HPSE2: variants seen among roughly 807,000 people sequenced by gnomAD.
The protein encoded by HPSE2 is inactive heparanase-2.
Under a neutral mutation model 60.5 loss-of-function variants are expected in HPSE2, and 38 were observed. The ratio of observed to expected loss-of-function variants is 0.63; its 90% CI spans 0.48 to 0.82. The LOEUF (loss-of-function observed/expected upper bound fraction) is 0.82, where lower values mean the gene tolerates loss of function less well. HPSE2 is among the 40% of genes least tolerant of loss of function. The pLI, the probability that HPSE2 is intolerant of heterozygous loss-of-function variation, is 0.00. For synonymous variants in HPSE2, 295 were observed against 293.2 expected (o/e 1.01, Z -0.06); for missense variants, 713 against 740.4 (o/e 0.96, Z 0.43).
intron 3 of HPSE2, among the ~76,000 whole-genome samples, chr10:98,943,358 G>T (rs1042147854): frequency 6.6e-6 from 1 of 151,882 alleles, no homozygotes; most frequent in African/African-American, 2.4e-5. Context: ...ATATTATTTT[G>T]ATTTTTAGAG....
At chr10:98,733,035 G>T (rs759114981) in intron 4 of HPSE2, among the ~76,000 whole-genome samples, 3 of 152,152 alleles carry the variant, frequency 2.0e-5, no homozygotes, top group Non-Finnish European at 4.4e-5. Context: ...AGTCACTAGG[G>T]AAGAGCAACT....
chr10:98,564,902 T>A (rs1028700460), intron 9 of HPSE2, among the ~76,000 whole-genome samples: 1 of 152,078 alleles, frequency 6.6e-6, no homozygotes, highest in Non-Finnish European at 1.5e-5. Context: ...CAATTTATCA[T>A]CCAAACCAGG....
At chr10:98,603,615 T>A (rs939072872) in intron 9 of HPSE2, among the ~76,000 whole-genome samples, 3 of 151,842 alleles carry the variant, frequency 2.0e-5, no homozygotes, top group Non-Finnish European at 4.4e-5. Flanking sequence ...ATTTTAGTAG[T>A]AACGGGGTTT....
intron 3 of HPSE2, among the ~76,000 whole-genome samples, chr10:99,003,833 C>A (rs141019764): frequency 2.6e-5 from 4 of 152,040 alleles, no homozygotes; most frequent in Admixed American, 2.6e-4. Flanking sequence ...TTGATATAAT[C>A]CCATTTGTCT....
intron 3 of HPSE2, among the ~76,000 whole-genome samples, chr10:99,114,830 C>T (rs1357497135): frequency 6.8e-6 from 1 of 146,450 alleles, no homozygotes. Context: ...AGGAGAATGG[C>T]GTGAACCCGG....
chr10:98,702,644 C>T (rs1387108137), intron 5 of HPSE2, among the ~76,000 whole-genome samples: 1 of 152,196 alleles, frequency 6.6e-6, no homozygotes, highest in African/African-American at 2.4e-5. Flanking sequence ...TCAGAAATCA[C>T]ACAACCACTT....
At chr10:98,850,498 A>G (rs1449681807) in intron 3 of HPSE2, among the ~76,000 whole-genome samples, 1 of 152,114 alleles carries the variant, frequency 6.6e-6, no homozygotes, top group Non-Finnish European at 1.5e-5. Flanking sequence ...GCACTTTGGG[A>G]GGCCGAAGCG....
At chr10:99,111,922 A>G (rs1844478165) in intron 3 of HPSE2, among the ~76,000 whole-genome samples, 1 of 152,204 alleles carries the variant, frequency 6.6e-6, no homozygotes, top group Non-Finnish European at 1.5e-5. Context: ...CAAATATTAA[A>G]TATTGTACAT....
At chr10:98,725,952 G>A (rs1161017724) in intron 4 of HPSE2, among the ~76,000 whole-genome samples, 2 of 152,184 alleles carry the variant, frequency 1.3e-5, no homozygotes, top group Admixed American at 6.6e-5. Flanking sequence ...TCTCTCACCA[G>A]TTAGAATGGC....
At chr10:99,248,265 A>G in the HPSE2 span, among the ~76,000 whole-genome samples, 1 of 152,226 alleles carries the variant, frequency 6.6e-6, no homozygotes, top group Non-Finnish European at 1.5e-5. Flanking sequence ...TGATATGGAC[A>G]ATGAAGTCCA....
chr10:98,893,917 T>C (rs1045841355), intron 3 of HPSE2, among the ~76,000 whole-genome samples: 2 of 136,926 alleles, frequency 1.5e-5, no homozygotes, highest in South Asian at 2.3e-4. Context: ...AAAAAAAAAA[T>C]AGGCAGTAAA....
chr10:98,667,670 CA>C (rs1462039696), intron 6 of HPSE2, among the ~76,000 whole-genome samples: 2 of 152,136 alleles, frequency 1.3e-5, no homozygotes, highest in Non-Finnish European at 2.9e-5. Flanking sequence ...GAATCAAAAA[CA>C]AAAACCATAT....
At chr10:99,081,936 G>A (rs745440466) in intron 3 of HPSE2, among the ~76,000 whole-genome samples, 4 of 152,116 alleles carry the variant, frequency 2.6e-5, no homozygotes, top group South Asian at 4.1e-4. Flanking sequence ...CCGCCCAGCC[G>A]ATGATGATAC....
At chr10:98,577,353 A>G (rs1944670036) in intron 9 of HPSE2, among the ~76,000 whole-genome samples, 1 of 152,214 alleles carries the variant, frequency 6.6e-6, no homozygotes, top group African/African-American at 2.4e-5. Context: ...AATTTTCAAT[A>G]GATAGTATCA....
intron 3 of HPSE2, among the ~76,000 whole-genome samples, chr10:99,077,110 T>G (rs539264464): frequency 6.6e-6 from 1 of 152,316 alleles, no homozygotes; most frequent in South Asian, 2.1e-4. Context: ...TATGACAAAT[T>G]GTTCTTCTCT....
At chr10:99,144,713 A>G (rs1014318390) in intron 2 of HPSE2, among the ~76,000 whole-genome samples, 2 of 152,074 alleles carry the variant, frequency 1.3e-5, no homozygotes, top group Non-Finnish European at 1.5e-5. Context: ...CCTTTTCTTA[A>G]CATATCTTAC....
intron 3 of HPSE2, among the ~76,000 whole-genome samples, chr10:99,116,789 G>A (rs1014639420): frequency 3.3e-5 from 5 of 152,152 alleles, no homozygotes; most frequent in African/African-American, 4.8e-5. Context: ...GATGGGAAGT[G>A]GCAGGGAGAA....
chr10:98,870,838 G>A (rs1442125876), intron 3 of HPSE2, among the ~76,000 whole-genome samples: 1 of 151,926 alleles, frequency 6.6e-6, no homozygotes, highest in East Asian at 1.9e-4. Context: ...GTTGAATCAT[G>A]GAGGCAGATC....
At chr10:98,679,805 C>T (rs1015778756) in intron 6 of HPSE2, among the ~76,000 whole-genome samples, 4 of 151,944 alleles carry the variant, frequency 2.6e-5, no homozygotes, top group African/African-American at 9.7e-5. Flanking sequence ...GGTCCTCTTG[C>T]CTCAGTGTCC....
Sources: allele counts gnomAD v4.1 joint callset (sites outside exome capture counted in the v4.1 genomes callset), GRCh38; gene constraint gnomAD v4.1.1; transcripts MANE v1.5; gene names NCBI Gene and HGNC (gene_info 2026-07-23, HGNC 2026-07-21).